Variants in UTRN observed in about 807,000 individuals in gnomAD.
UTRN encodes utrophin.
UTRN carries 283 observed loss-of-function variants against 463.9 expected under a neutral mutation model. That is an observed-to-expected ratio of 0.61 (90% CI 0.55 to 0.67). The LOEUF (loss-of-function observed/expected upper bound fraction) is 0.67. Among genes scored for constraint, UTRN ranks in the 30% least tolerant of loss-of-function variants. The pLI is 0.00. For synonymous variants in UTRN, 1,442 were observed against 1,431.5 expected (o/e 1.01, Z -0.17); for missense variants, 3,922 against 4,084.3 (o/e 0.96, Z 1.08).
chr6:144,431,756 G>A (rs1037589944), intron 9 of UTRN, among the ~76,000 whole-genome samples: 3 of 152,110 alleles, frequency 2.0e-5, no homozygotes, highest in Non-Finnish European at 4.4e-5. Context: ...ATGATCTCCA[G>A]GGGTTATTTT....
intron 51 of UTRN, among the ~76,000 whole-genome samples, chr6:144,675,299 A>G (rs9399488): frequency 0.16 from 23,735 of 152,092 alleles, 2,391 homozygotes; most frequent in East Asian, 0.57. Context: ...AGAGTCCTGT[A>G]ATGTGATCTG....
intron 52 of UTRN, among the ~76,000 whole-genome samples, chr6:144,686,762 T>C (rs954640314): frequency 5.3e-5 from 8 of 152,174 alleles, no homozygotes; most frequent in African/African-American, 1.9e-4. Context: ...TCTTCCACTT[T>C]ACCTTGAATC....
Position 144,825,045 on chromosome 6 carries a change from A to G in UTRN, c.9495-2303A>G, listed in dbSNP as rs901132034. On this transcript the variant is annotated intron_variant, in intron 66 of 74. Transcript: ENST00000367545. ...GTGATCCTCCCGCCTCAGCCTCCCA[A>G]AGTGCTGAGATTATAGGTATAAGCC... 3.3e-5 allele frequency among the ~76,000 whole-genome samples: 5 copies of G among 151,934 alleles called. 1 individual carries two copies. The South Asian group carries it at 6.2e-4, about 19-fold the overall frequency.
intron 39 of UTRN, among the ~76,000 whole-genome samples, chr6:144,517,599 T>C (rs1374361877): frequency 6.6e-6 from 1 of 152,222 alleles, no homozygotes. Context: ...ACGATTTTTA[T>C]TTGATGACTT....
chr6:144,391,607 A>G (rs1407104812), intron 2 of UTRN, among the ~76,000 whole-genome samples: 1 of 152,136 alleles, frequency 6.6e-6, no homozygotes, highest in East Asian at 1.9e-4. Context: ...CAGTTCATAC[A>G]GCTTGCATGT....
In UTRN at chr6:144,363,808, C is replaced by G. The variant is rs913449253; in HGVS notation, c.80-39315C>G. Among the ~76,000 whole-genome samples the G allele has an allele frequency of 2.0e-5, 3 of 151,990 alleles. No individual in the cohort carries two copies. In the South Asian group the frequency reaches 6.2e-4, roughly 32 times the overall value. On this transcript the variant is annotated intron_variant, in intron 2 of 74. Coordinates refer to ENST00000367545, the MANE Select transcript of UTRN (RefSeq NM_007124.3). Reference sequence around the variant, plus strand: ...GTGGATACTGATGGCAATGTTGGGGCTGGAGGAAAATGTTCCAGGTAGAGG... The same window carrying G: ...GTGGATACTGATGGCAATGTTGGGGGTGGAGGAAAATGTTCCAGGTAGAGG...
chr6:144,426,042 A>C (rs1785265050), intron 6 of UTRN, among the ~76,000 whole-genome samples: 1 of 152,218 alleles, frequency 6.6e-6, no homozygotes, highest in African/African-American at 2.4e-5. Flanking sequence ...TGCTTAAGAT[A>C]TAGAAAACAC....
chr6:144,542,663 G>A, intron 45 of UTRN, 132 bp from the exon 46 acceptor site: 1 of 825,334 alleles, frequency 1.2e-6, no homozygotes. Flanking sequence ...AGTGAAGGTA[G>A]AGCCAGAAGT....
At chr6:144,409,704 T>G (rs1783713391) in intron 3 of UTRN, among the ~76,000 whole-genome samples, 1 of 152,084 alleles carries the variant, frequency 6.6e-6, no homozygotes, top group South Asian at 2.1e-4. Flanking sequence ...CTGGGAAGCT[T>G]TTAGCTGCAA....
chr6:144,756,685 A>G lies in UTRN; in HGVS notation c.8435-1244A>G, dbSNP rs546530964. 2.0e-5 allele frequency among the ~76,000 whole-genome samples: 3 copies of G among 152,244 alleles called. No individual in the cohort carries two copies. The South Asian group carries it at 6.2e-4, about 32-fold the overall frequency. ...TTGGCTCTAATGAGAAATGTAACAT[A>G]CCTACTTCCTCATTTTCATCCCTGT... is the stretch of plus-strand genomic sequence containing the variant. On this transcript the variant is annotated intron_variant, in intron 57 of 74. Coordinates refer to ENST00000367545, the MANE Select transcript of UTRN (RefSeq NM_007124.3).
chr6:144,401,569 A>G (rs1782936785), intron 2 of UTRN, among the ~76,000 whole-genome samples: 1 of 152,150 alleles, frequency 6.6e-6, no homozygotes, highest in South Asian at 2.1e-4. Flanking sequence ...AGCACCATTA[A>G]TATCAAGGAG....
rs367995227 is a variant in UTRN, at chr6:144,552,994, A to C, written c.6929-1694A>C. ...TGTCTCATTGAGCAAGTTTTAAAGA[A>C]TGATGACATGTAAGTATAACTTAAG... On this transcript the variant is annotated intron_variant, in intron 48 of 74. Transcript: ENST00000367545. Among the ~76,000 whole-genome samples the C allele has an allele frequency of 1.1e-4, 17 of 152,362 alleles. No homozygotes were observed. The South Asian group carries it at 1.2e-3, about 11-fold the overall frequency.
At chr6:144,558,951 A>T (rs1313863291) in intron 50 of UTRN, among the ~76,000 whole-genome samples, 1 of 152,122 alleles carries the variant, frequency 6.6e-6, no homozygotes, top group African/African-American at 2.4e-5. Flanking sequence ...AGCTAACATA[A>T]AAAAAAGAGA....
intron 58 of UTRN, among the ~76,000 whole-genome samples, chr6:144,766,826 A>G (rs568942767): frequency 3.6e-4 from 55 of 152,080 alleles, no homozygotes; most frequent in Admixed American, 1.4e-3. Flanking sequence ...CACGTCTGTA[A>G]ACATTTATAT....
intron 37 of UTRN, 103 bp from the exon 38 acceptor site, chr6:144,516,126 A>G (rs955271013): frequency 8.5e-7 from 1 of 1,170,198 alleles, no homozygotes; most frequent in Non-Finnish European, 1.2e-6. Context: ...TAGAAAAGTC[A>G]GTTAAAAAAG....
intron 1 of UTRN, among the ~76,000 whole-genome samples, chr6:144,289,859 G>T (rs1024891988): frequency 3.3e-5 from 5 of 151,828 alleles, no homozygotes; most frequent in African/African-American, 7.3e-5. Flanking sequence ...TCACCATGTT[G>T]GCCAGGCTGG....
intron 19 of UTRN, among the ~76,000 whole-genome samples, chr6:144,455,309 G>T (rs1340461449): frequency 6.6e-6 from 1 of 152,034 alleles, no homozygotes; most frequent in Non-Finnish European, 1.5e-5. Context: ...TGTCTTAGTT[G>T]TCCTTCCTGT....
At chr6:144,444,740 A>G (rs941344559) in intron 14 of UTRN, among the ~76,000 whole-genome samples, 2 of 152,102 alleles carry the variant, frequency 1.3e-5, no homozygotes, top group East Asian at 3.8e-4. Context: ...CTCAGTAAAT[A>G]ATGAGTAATG....
At chr6:144,683,935 C>T (rs567976341) in intron 52 of UTRN, among the ~76,000 whole-genome samples, 1 of 152,126 alleles carries the variant, frequency 6.6e-6, no homozygotes, top group Non-Finnish European at 1.5e-5. Flanking sequence ...AACAACATCT[C>T]CTTAGAAGTG....
Sources: allele counts gnomAD v4.1 joint callset (sites outside exome capture counted in the v4.1 genomes callset), GRCh38; gene constraint gnomAD v4.1.1; transcripts MANE v1.5; gene names NCBI Gene and HGNC (gene_info 2026-07-23, HGNC 2026-07-21).